Variants in CAMK1D observed in about 807,000 individuals in gnomAD.
The protein encoded by CAMK1D is calcium/calmodulin dependent protein kinase ID.
A neutral mutation model predicts 47.7 loss-of-function variants in CAMK1D; 9 were observed. That is an observed-to-expected ratio of 0.19 (90% CI 0.11 to 0.33). CAMK1D has a LOEUF of 0.33. Ranked by LOEUF, CAMK1D falls within the 10% of genes least tolerant of loss-of-function variation. CAMK1D has a pLI of 1.00. For synonymous variants in CAMK1D, 184 were observed against 184.9 expected (o/e 0.99, Z 0.04); for missense variants, 291 against 488.7 (o/e 0.60, Z 3.81).
At chr10:12,788,251 C>T (rs748768447) in intron 5 of CAMK1D, among the ~76,000 whole-genome samples, 4 of 152,112 alleles carry the variant, frequency 2.6e-5, no homozygotes, top group Admixed American at 6.5e-5. Flanking sequence ...AGTGCAATGG[C>T]GTGATCATAG....
At chr10:12,466,459 C>G (rs1833593355) in intron 1 of CAMK1D, among the ~76,000 whole-genome samples, 2 of 151,942 alleles carry the variant, frequency 1.3e-5, no homozygotes, top group African/African-American at 4.8e-5. Context: ...GTGGCACATA[C>G]CTGTAGTCCT....
intron 8 of CAMK1D, among the ~76,000 whole-genome samples, chr10:12,822,871 A>T (rs900188869): frequency 9.9e-5 from 15 of 152,226 alleles, no homozygotes; most frequent in African/African-American, 3.4e-4. Flanking sequence ...TTTCAGGAAT[A>T]TGTGTCTGGG....
chr10:12,504,914 C>G (rs564442608), intron 1 of CAMK1D, among the ~76,000 whole-genome samples: 1 of 152,122 alleles, frequency 6.6e-6, no homozygotes, highest in Admixed American at 6.5e-5. Flanking sequence ...GGTGTGGGCC[C>G]GGATCTCTTG....
chr10:12,776,438 T>A, intron 5 of CAMK1D, among the ~76,000 whole-genome samples: 1 of 152,182 alleles, frequency 6.6e-6, no homozygotes, highest in East Asian at 1.9e-4. Flanking sequence ...TGCAGTCGAT[T>A]CTCGCTGTTC....
chr10:12,430,198 G>A (rs1020215341), intron 1 of CAMK1D, among the ~76,000 whole-genome samples: 15 of 152,304 alleles, frequency 9.8e-5, no homozygotes, highest in African/African-American at 3.4e-4. Flanking sequence ...GGATTTGTGA[G>A]CATTTGGATG....
At chr10:12,801,354 T>TATCTAATCTATCTATC (rs57429397) in intron 6 of CAMK1D, among the ~76,000 whole-genome samples, 60 of 66,564 alleles carry the variant, frequency 9.0e-4, no homozygotes, top group East Asian at 6.0e-3. Context: ...TCTATCTATC[T>TATCTAATCTATCTATC]TATCTATCTA....
chr10:12,599,249 A>G (rs1588675906), intron 2 of CAMK1D, among the ~76,000 whole-genome samples: 1 of 152,182 alleles, frequency 6.6e-6, no homozygotes, highest in African/African-American at 2.4e-5. Context: ...AAAGAATTGG[A>G]GGTGGAAGTG....
At chr10:12,510,710 T>G (rs910608060) in intron 1 of CAMK1D, among the ~76,000 whole-genome samples, 10 of 152,178 alleles carry the variant, frequency 6.6e-5, no homozygotes, top group Admixed American at 5.9e-4. Flanking sequence ...TTCTGGCCAC[T>G]CCTGAATGAA....
chr10:12,771,581 G>T (rs1319061901), intron 5 of CAMK1D, among the ~76,000 whole-genome samples: 1 of 152,238 alleles, frequency 6.6e-6, no homozygotes, highest in Non-Finnish European at 1.5e-5. Flanking sequence ...AAAATAAGGG[G>T]AAGGGAAAGA....
intron 2 of CAMK1D, among the ~76,000 whole-genome samples, chr10:12,611,141 G>A (rs984756642): frequency 2.6e-5 from 4 of 152,134 alleles, no homozygotes; most frequent in South Asian, 2.1e-4. Flanking sequence ...AGGCCTTTGG[G>A]GTTCTGCAGT....
At chr10:12,563,709 G>T (rs555968622) in intron 2 of CAMK1D, among the ~76,000 whole-genome samples, 2 of 151,096 alleles carry the variant, frequency 1.3e-5, no homozygotes, top group Admixed American at 1.3e-4. Flanking sequence ...GGGAGAGAGA[G>T]GGAGAGAGAG....
intron 6 of CAMK1D, 81 bp downstream of exon 6, chr10:12,791,314 C>T (rs1046183865): frequency 1.6e-6 from 2 of 1,279,022 alleles, no homozygotes; most frequent in African/African-American, 3.0e-5. Context: ...CAAAATTTAC[C>T]ATTTTTAAGG....
At chr10:12,782,576 G>A (rs554613695) in intron 5 of CAMK1D, among the ~76,000 whole-genome samples, 13 of 152,278 alleles carry the variant, frequency 8.5e-5, no homozygotes, top group African/African-American at 2.6e-4. Flanking sequence ...ACGCAGTGTC[G>A]CAAACTGTTA....
At chr10:12,635,795 A>G (rs969639567) in intron 2 of CAMK1D, among the ~76,000 whole-genome samples, 2 of 152,050 alleles carry the variant, frequency 1.3e-5, no homozygotes, top group Non-Finnish European at 2.9e-5. Context: ...TCTAAAAAAA[A>G]TGTGATTCCT....
At chr10:12,824,011 C>A (rs540661216) in intron 8 of CAMK1D, among the ~76,000 whole-genome samples, 1 of 151,680 alleles carries the variant, frequency 6.6e-6, no homozygotes, top group Admixed American at 6.6e-5. Context: ...GAAGCAAGGC[C>A]GGGAAGGGGT....
rs775992109 is a variant in CAMK1D, at chr10:12,835,068, C to T, written c.*6181C>T. ...AGAGTCTTTGCTTCGAAAGATGGGG[C>T]GCCATGTTTCAGAGAACATTTATCT... On this transcript the variant is annotated 3_prime_UTR_variant, in exon 11 of 11. Coordinates refer to ENST00000619168, the MANE Select transcript of CAMK1D (RefSeq NM_153498.4). The T allele has an allele frequency of 4.6e-5, 7 of 152,134 alleles. No homozygotes were observed. Among genetic ancestry groups the T allele is most frequent in the African/African-American group, 1.7e-4 (7 of 41,426 alleles). The allele number at this position is 152,134 out of a possible 1,614,324, so 9.4% of individuals were successfully genotyped here.
At chr10:12,790,613 G>GCA (rs145460694) in intron 5 of CAMK1D, among the ~76,000 whole-genome samples, 65,523 of 151,350 alleles carry the variant, frequency 0.43, 14,302 homozygotes, top group East Asian at 0.62. Flanking sequence ...ACACACACAC[G>GCA]CACACACACA....
intron 9 of CAMK1D, among the ~76,000 whole-genome samples, 181 bp from the exon 10 acceptor site, chr10:12,825,392 G>T (rs757700947): frequency 2.0e-5 from 3 of 152,182 alleles, no homozygotes; most frequent in Non-Finnish European, 2.9e-5. Context: ...TGGGGAAAGG[G>T]GTTAATAAAT....
At chr10:12,693,635 CT>C (rs996831595) in intron 3 of CAMK1D, among the ~76,000 whole-genome samples, 2 of 151,334 alleles carry the variant, frequency 1.3e-5, no homozygotes, top group African/African-American at 2.4e-5. Flanking sequence ...CTGTCCCCCC[CT>C]AAAAAAGAAA....
Sources: gnomAD v4.1 joint callset for allele counts (sites outside exome capture counted in the v4.1 genomes callset) on GRCh38, gnomAD v4.1.1 for gene constraint, MANE v1.5 for transcripts, NCBI Gene and HGNC (gene_info 2026-07-23, HGNC 2026-07-21) for gene names.